The following CSMD1 variants were observed in gnomAD, a reference collection of about 807,000 sequenced individuals.
The protein encoded by CSMD1 is CUB and sushi domain-containing protein 1.
CSMD1 carries 213 observed loss-of-function variants against 417.5 expected under a neutral mutation model. The observed-to-expected ratio is 0.51, with a 90% CI of 0.46 to 0.57. CSMD1 has a LOEUF of 0.57. Ranked by LOEUF, CSMD1 falls within the 20% of genes least tolerant of loss-of-function variation. The pLI, the probability that CSMD1 is intolerant of heterozygous loss-of-function variation, is 0.00. For synonymous variants in CSMD1, 2,862 were observed against 1,736.8 expected (o/e 1.65, Z -16.11); for missense variants, 6,923 against 4,529.7 (o/e 1.53, Z -15.17).
Position 2,974,551 on chromosome 8 carries a change from G to T in CSMD1, c.8640C>A (p.Val2880=). ...CGCTCCCTCTGCAGGAGTAGTGCAC[G>T]ACGGCGCCATAGGTAAACAGCTCTC... The part of the protein sequence containing the change: ...LTGELFTYGA[V]VHYSCRGSES... The change falls in exon 56 of 70, where the codon GTC becomes GTA. Residue 2880 remains valine, a synonymous_variant. Transcript: ENST00000635120. 6.2e-7 allele frequency: 1 copy of T among 1,613,354 alleles called. No individual in the cohort carries two copies. Among genetic ancestry groups the T allele is most frequent in the Non-Finnish European group, 8.5e-7 (1 of 1,179,628 alleles).
intron 18 of CSMD1, among the ~76,000 whole-genome samples, chr8:3,383,074 G>C (rs1344839806): frequency 1.3e-5 from 2 of 149,288 alleles, no homozygotes; most frequent in Non-Finnish European, 1.5e-5. Flanking sequence ...AGAAGAAATG[G>C]ATCTGGACAC....
intron 30 of CSMD1, among the ~76,000 whole-genome samples, chr8:3,207,887 A>C (rs1303654668): frequency 2.0e-5 from 3 of 152,224 alleles, no homozygotes; most frequent in African/African-American, 7.2e-5. Context: ...TTTCACTTTT[A>C]GATGGAGGAT....
intron 3 of CSMD1, among the ~76,000 whole-genome samples, chr8:4,098,713 G>A (rs760633113): frequency 2.0e-5 from 3 of 152,120 alleles, no homozygotes; most frequent in Non-Finnish European, 4.4e-5. Flanking sequence ...CCTACTCTAG[G>A]TTTATTTCCA....
At chr8:3,675,253 G>A (rs1403839894) in intron 7 of CSMD1, among the ~76,000 whole-genome samples, 1 of 152,106 alleles carries the variant, frequency 6.6e-6, no homozygotes, top group Non-Finnish European at 1.5e-5. Flanking sequence ...CATTGACCTG[G>A]CTGGCATGTG....
At chr8:2,967,042 A>G (rs532343302) in intron 57 of CSMD1, among the ~76,000 whole-genome samples, 3 of 152,330 alleles carry the variant, frequency 2.0e-5, no homozygotes, top group African/African-American at 4.8e-5. Context: ...TTATTCAGGG[A>G]CTGAATGTTT....
At chr8:4,285,298 A>G (rs1194883009) in intron 3 of CSMD1, among the ~76,000 whole-genome samples, 1 of 151,902 alleles carries the variant, frequency 6.6e-6, no homozygotes, top group Non-Finnish European at 1.5e-5. Context: ...TAATCAAATT[A>G]CTCTCTGAAG....
At position 3,048,020 on chromosome 8, in the gene CSMD1, G is replaced by A. The variant is rs565891772; in HGVS notation, c.7660+4442C>T. On this transcript the variant is annotated intron_variant, in intron 50 of 69. Transcript: ENST00000635120. ...TGTGAAGTAACAGGCACATGTGCGAGAAATCCTTAAAGAAATCTAAGGGTA... is the reference window on the plus strand; with the variant it reads ...TGTGAAGTAACAGGCACATGTGCGAAAAATCCTTAAAGAAATCTAAGGGTA... Among the ~76,000 whole-genome samples the A allele has an allele frequency of 1.9e-4, 29 of 152,310 alleles. No homozygotes were observed. In the East Asian group the frequency reaches 4.3e-3, roughly 22 times the overall value.
Position 4,657,329 on chromosome 8 carries a change from G to A in CSMD1, c.86-19771C>T, listed in dbSNP as rs190618616. Among the ~76,000 whole-genome samples, 467 of 152,228 alleles carry A rather than the reference G, an allele frequency of 3.1e-3. 2 individuals are homozygous for A. The highest frequency in any genetic ancestry group is 4.7e-3 in the Non-Finnish European group (321 of 68,006). On this transcript the variant is annotated intron_variant, in intron 1 of 69. Transcript: ENST00000635120. Reference sequence around the variant, plus strand: ...GGGCCCAGCACACAAAGGGTCAACTGGCAGACTGAGAGAGGATTTTCATTT... The same window carrying A: ...GGGCCCAGCACACAAAGGGTCAACTAGCAGACTGAGAGAGGATTTTCATTT...
At chr8:3,822,626 C>T (rs1801802449) in intron 5 of CSMD1, among the ~76,000 whole-genome samples, 1 of 152,178 alleles carries the variant, frequency 6.6e-6, no homozygotes, top group South Asian at 2.1e-4. Flanking sequence ...CACCCGCTAC[C>T]TCTACTTGCT....
intron 1 of CSMD1, among the ~76,000 whole-genome samples, chr8:4,899,465 T>C (rs1463856867): frequency 6.6e-6 from 1 of 152,136 alleles, no homozygotes; most frequent in Non-Finnish European, 1.5e-5. Flanking sequence ...CGCATGTCCA[T>C]AGTCAATTAA....
intron 1 of CSMD1, among the ~76,000 whole-genome samples, chr8:4,874,439 G>A (rs890377285): frequency 7.9e-5 from 11 of 138,724 alleles, no homozygotes; most frequent in Non-Finnish European, 1.7e-4. Flanking sequence ...ACCCAGGCTG[G>A]CATGCAGTGT....
chr8:4,474,767 C>T (rs1485944958), intron 2 of CSMD1, among the ~76,000 whole-genome samples: 1 of 152,148 alleles, frequency 6.6e-6, no homozygotes, highest in Admixed American at 6.6e-5. Context: ...TCCTGTTTCT[C>T]CTCCCCAGCC....
At chr8:3,872,101 C>G (rs1439671846) in intron 5 of CSMD1, among the ~76,000 whole-genome samples, 4 of 152,136 alleles carry the variant, frequency 2.6e-5, no homozygotes, top group Non-Finnish European at 5.9e-5. Flanking sequence ...TTGGTTTTCT[C>G]AAATTTCTTT....
intron 6 of CSMD1, among the ~76,000 whole-genome samples, chr8:3,729,176 T>C (rs1055092837): frequency 1.3e-5 from 2 of 152,228 alleles, no homozygotes; most frequent in South Asian, 2.1e-4. Flanking sequence ...ATGACAAGAC[T>C]TACTGCCACG....
chr8:4,333,789 CT>C (rs1800007827), intron 3 of CSMD1, among the ~76,000 whole-genome samples: 1 of 152,126 alleles, frequency 6.6e-6, no homozygotes, highest in Admixed American at 6.5e-5. Context: ...GGGTCTGCCC[CT>C]GGAAACACAT....
At chr8:4,770,570 C>G (rs1796547771) in intron 1 of CSMD1, among the ~76,000 whole-genome samples, 2 of 151,386 alleles carry the variant, frequency 1.3e-5, no homozygotes, top group African/African-American at 4.9e-5. Context: ...AATTATAGTA[C>G]AAAGTTATAG....
chr8:4,658,980 G>A (rs953293838), intron 1 of CSMD1, among the ~76,000 whole-genome samples: 5 of 152,198 alleles, frequency 3.3e-5, no homozygotes, highest in South Asian at 2.1e-4. Flanking sequence ...TGGTAACCAC[G>A]AAGGCAATAA....
At chr8:4,906,490 G>A (rs542862507) in intron 1 of CSMD1, among the ~76,000 whole-genome samples, 2 of 110,976 alleles carry the variant, frequency 1.8e-5, no homozygotes, top group Admixed American at 2.1e-4. Context: ...CCTCTTACAT[G>A]ATTTCACACA....
At position 4,143,982 on chromosome 8, in the gene CSMD1, C is replaced by T. The variant is rs113450695; in HGVS notation, c.416-111883G>A. Among the ~76,000 whole-genome samples the T allele has an allele frequency of 5.8e-4, 88 of 151,422 alleles. 12 individuals are homozygous for T. Among genetic ancestry groups the T allele is most frequent in the African/African-American group, 2.1e-3 (86 of 40,712 alleles). ...GCCCATAGCCAATCCAAGGCACTCT[C>T]CCTTTCCATCTGAGACACGGTGGAA... On this transcript the variant is annotated intron_variant, in intron 3 of 69. Transcript: ENST00000635120.
Sources: allele counts gnomAD v4.1 joint callset (sites outside exome capture counted in the v4.1 genomes callset), GRCh38; gene constraint gnomAD v4.1.1; transcripts MANE v1.5; gene names NCBI Gene and HGNC (gene_info 2026-07-23, HGNC 2026-07-21).